ANO6: variants seen among roughly 807,000 people sequenced by gnomAD.
The protein encoded by ANO6 is anoctamin 6.
A neutral mutation model predicts 117.5 loss-of-function variants in ANO6; 106 were observed. That is an observed-to-expected ratio of 0.90 (90% CI 0.77 to 1.06). The LOEUF (loss-of-function observed/expected upper bound fraction) is 1.06, where lower values mean the gene tolerates loss of function less well. Ranked by LOEUF, ANO6 falls within the 50% of genes least tolerant of loss-of-function variation. ANO6 has a pLI of 0.00. For missense variants in ANO6, 955 were observed against 1,121.1 expected (o/e 0.85, Z 2.12); for synonymous variants, 367 against 385.1 (o/e 0.95, Z 0.55).
At chr12:45,292,680 C>T in intron 1 of ANO6, 10 of 1,276,358 alleles carry the variant, frequency 7.8e-6, no homozygotes, top group African/African-American at 1.5e-5. Flanking sequence ...TAGAGCTGAA[C>T]TGTTGGGGCA....
At chr12:45,387,189 G>A (rs1942321465) in intron 10 of ANO6, among the ~76,000 whole-genome samples, 1 of 152,190 alleles carries the variant, frequency 6.6e-6, no homozygotes, top group Non-Finnish European at 1.5e-5. Context: ...CTGATTAGAA[G>A]AAGGGCATGG....
chr12:45,357,813 A>T (rs1941452750), intron 8 of ANO6, among the ~76,000 whole-genome samples: 1 of 152,128 alleles, frequency 6.6e-6, no homozygotes. Flanking sequence ...AAAATTAGTG[A>T]GGGGTTTTGT....
intron 13 of ANO6, among the ~76,000 whole-genome samples, chr12:45,402,329 A>G (rs12580320): frequency 0.048 from 7,370 of 152,218 alleles, 325 homozygotes; most frequent in African/African-American, 0.11. Context: ...TTTATTGCAA[A>G]TAAGTGGAAT....
chr12:45,436,730 G>A (rs1309569043), downstream of ANO6, among the ~76,000 whole-genome samples: 1 of 152,216 alleles, frequency 6.6e-6, no homozygotes, highest in Non-Finnish European at 1.5e-5. Flanking sequence ...CACTTTGGGA[G>A]GCCGAGGCTG....
intron 3 of ANO6, 39 bp from the exon 4 acceptor site, chr12:45,346,983 A>G (rs766298792): frequency 6.3e-6 from 10 of 1,598,490 alleles, no homozygotes; most frequent in South Asian, 2.2e-5. Flanking sequence ...GCCTTTGGTA[A>G]ACTAAAGGTC....
At chr12:45,222,311 C>G (rs1489720148) in intron 1 of ANO6, among the ~76,000 whole-genome samples, 5 of 152,132 alleles carry the variant, frequency 3.3e-5, no homozygotes, top group African/African-American at 9.7e-5. Flanking sequence ...CAGGTGCCCA[C>G]CACTGTGCCC....
intron 7 of ANO6, among the ~76,000 whole-genome samples, chr12:45,355,491 C>T (rs1941386703): frequency 6.6e-6 from 1 of 152,042 alleles, no homozygotes. Flanking sequence ...AGATTCTTTC[C>T]AATTTAAATA....
chr12:45,314,456 T>A (rs200143333), intron 2 of ANO6, among the ~76,000 whole-genome samples: 9 of 97,702 alleles, frequency 9.2e-5, no homozygotes, highest in Admixed American at 2.7e-4. Context: ...AAAAAAAAAA[T>A]TATATATATA....
At chr12:45,281,938 T>C (rs990901386) in intron 1 of ANO6, among the ~76,000 whole-genome samples, 3 of 152,076 alleles carry the variant, frequency 2.0e-5, no homozygotes, top group African/African-American at 7.2e-5. Flanking sequence ...AGGAGGTTGG[T>C]GCAATAGTCC....
At chr12:45,290,942 T>C (rs544373220) in intron 1 of ANO6, among the ~76,000 whole-genome samples, 3 of 152,252 alleles carry the variant, frequency 2.0e-5, no homozygotes, top group African/African-American at 7.2e-5. Flanking sequence ...CAGATAGATA[T>C]ATAGACTAAT....
intron 1 of ANO6, among the ~76,000 whole-genome samples, chr12:45,299,753 G>A (rs922353322): frequency 2.0e-5 from 3 of 152,110 alleles, no homozygotes; most frequent in Non-Finnish European, 4.4e-5. Flanking sequence ...TTGGGAGGCT[G>A]AGGCAGGAGA....
At chr12:45,274,924 A>G (rs1938505463) in intron 1 of ANO6, among the ~76,000 whole-genome samples, 1 of 150,472 alleles carries the variant, frequency 6.6e-6, no homozygotes, top group African/African-American at 2.5e-5. Flanking sequence ...TTATCTATCT[A>G]AAATGTCACT....
chr12:45,254,638 G>C (rs1488271472), intron 1 of ANO6, among the ~76,000 whole-genome samples: 3 of 152,134 alleles, frequency 2.0e-5, no homozygotes, highest in African/African-American at 7.2e-5. Flanking sequence ...TTAAAATTTG[G>C]CTAATCAAAT....
At chr12:45,289,798 TA>T (rs1296977239) in intron 1 of ANO6, among the ~76,000 whole-genome samples, 1 of 152,206 alleles carries the variant, frequency 6.6e-6, no homozygotes, top group Non-Finnish European at 1.5e-5. Context: ...CATTTGAAGG[TA>T]ATTGGCCAAC....
chr12:45,302,006 G>GT lies in ANO6; in HGVS notation c.71-3dup, dbSNP rs1186998847. On this transcript the variant is annotated splice_region_variant and splice_polypyrimidine_tract_variant and intron_variant, in intron 1 of 19. Coordinates refer to ENST00000320560, the MANE Select transcript of ANO6 (RefSeq NM_001025356.3). ...GCTTCATTTGTTTATATATTCATTC[G>GT]TTTTTAGTGTTGGAAAACCTTGGAC... 1 of 1,613,316 alleles carries GT rather than the reference G, an allele frequency of 6.2e-7. No individual in the cohort carries two copies. Among genetic ancestry groups the GT allele is most frequent in the Non-Finnish European group, 8.5e-7 (1 of 1,179,526 alleles).
intron 1 of ANO6, among the ~76,000 whole-genome samples, chr12:45,240,765 G>A (rs1247949706): frequency 6.6e-6 from 1 of 152,064 alleles, no homozygotes; most frequent in African/African-American, 2.4e-5. Context: ...AAATGTCTCA[G>A]CATTTGCTTG....
intron 2 of ANO6, among the ~76,000 whole-genome samples, chr12:45,328,434 T>A (rs76979771): frequency 5.9e-5 from 9 of 152,110 alleles, no homozygotes; most frequent in Non-Finnish European, 1.2e-4. Context: ...ATGAAAAAAA[T>A]TTGATCTAGT....
At chr12:45,265,607 A>G (rs1477577097) in intron 1 of ANO6, among the ~76,000 whole-genome samples, 1 of 152,124 alleles carries the variant, frequency 6.6e-6, no homozygotes, top group Non-Finnish European at 1.5e-5. Flanking sequence ...GGAAGCTGAG[A>G]CTTTACCCAG....
At chr12:45,372,045 C>G (rs1028322054) in intron 9 of ANO6, among the ~76,000 whole-genome samples, 1 of 151,842 alleles carries the variant, frequency 6.6e-6, no homozygotes, top group Non-Finnish European at 1.5e-5. Context: ...AGCCAAGGCT[C>G]GAGAACTACG....
Sources: gnomAD v4.1 joint callset for allele counts (sites outside exome capture counted in the v4.1 genomes callset) on GRCh38, gnomAD v4.1.1 for gene constraint, MANE v1.5 for transcripts, NCBI Gene and HGNC (gene_info 2026-07-23, HGNC 2026-07-21) for gene names.